The following CFTR variants were observed in gnomAD, a reference collection of about 807,000 sequenced individuals.
CFTR encodes cystic fibrosis transmembrane conductance regulator.
In CFTR, 181 loss-of-function variants were observed where a neutral mutation model predicts 171.6. That is an observed-to-expected ratio of 1.05 (90% CI 0.93 to 1.19). The LOEUF is 1.19. Ranked by LOEUF, CFTR falls within the 50% of genes most tolerant of loss-of-function variation. CFTR has a pLI of 0.00. For synonymous variants in CFTR, 583 were observed against 608.0 expected, an observed-to-expected ratio of 0.96 and a Z score of 0.60; for missense variants, 1,968 against 1,734.7, an observed-to-expected ratio of 1.13 and a Z score of -2.39.
At chr7:117,587,508 A>G (rs1791955155) in intron 11 of CFTR, among the ~76,000 whole-genome samples, 1 of 152,228 alleles carries the variant, frequency 6.6e-6, no homozygotes, top group South Asian at 2.1e-4. Flanking sequence ...TTTAATGATC[A>G]TTCATGACAT....
At chr7:117,612,011 A>ATATATATATG (rs1792399492) in intron 20 of CFTR, among the ~76,000 whole-genome samples, 6 of 56,512 alleles carry the variant, frequency 1.1e-4, no homozygotes, top group South Asian at 1.1e-3. Flanking sequence ...AATCGGATAT[A>ATATATATATG]TATATATATA....
intron 22 of CFTR, among the ~76,000 whole-genome samples, chr7:117,634,281 G>A (rs1173362461): frequency 6.6e-6 from 1 of 152,006 alleles, no homozygotes; most frequent in Middle Eastern, 3.2e-3. Context: ...GTTATTCATA[G>A]TATTCTTTTA....
At chr7:117,542,636 A>G (rs1387369750) in intron 9 of CFTR, among the ~76,000 whole-genome samples, 1 of 152,210 alleles carries the variant, frequency 6.6e-6, no homozygotes, top group Non-Finnish European at 1.5e-5. Flanking sequence ...AAGTCATACA[A>G]TTTGTTTCAC....
chr7:117,539,174 G>A (rs926602609), intron 7 of CFTR, among the ~76,000 whole-genome samples: 2 of 152,076 alleles, frequency 1.3e-5, no homozygotes, highest in African/African-American at 4.8e-5. Context: ...GGATGGCTTC[G>A]GGAAGACTGG....
chr7:117,582,929 C>T (rs1225341548), intron 11 of CFTR, among the ~76,000 whole-genome samples: 1 of 152,094 alleles, frequency 6.6e-6, no homozygotes, highest in African/African-American at 2.4e-5. Context: ...TTCACATGAA[C>T]TCTTCTGATC....
At chr7:117,597,211 C>T (rs1263461658) in intron 15 of CFTR, among the ~76,000 whole-genome samples, 3 of 152,204 alleles carry the variant, frequency 2.0e-5, no homozygotes, top group Non-Finnish European at 4.4e-5. Flanking sequence ...TGCAGCTTCA[C>T]TCCTGAAGCC....
intron 9 of CFTR, among the ~76,000 whole-genome samples, chr7:117,544,832 G>A (rs1799113141): frequency 6.6e-6 from 1 of 152,102 alleles, no homozygotes; most frequent in African/African-American, 2.4e-5. Flanking sequence ...CATAGATTCT[G>A]CTATCACCAA....
At chr7:117,575,803 A>G (rs1791761363) in intron 11 of CFTR, among the ~76,000 whole-genome samples, 1 of 152,044 alleles carries the variant, frequency 6.6e-6, no homozygotes, top group Admixed American at 6.6e-5. Flanking sequence ...TAATAAATCC[A>G]TGCACATTTA....
intron 10 of CFTR, 103 bp downstream of exon 10, chr7:117,548,926 A>G (rs1799219445): frequency 4.0e-6 from 6 of 1,492,056 alleles, no homozygotes; most frequent in Non-Finnish European, 4.5e-6. Flanking sequence ...AAATTCTTAC[A>G]TGAGCATTAG....
chr7:117,520,271 T>G (rs968770507), intron 3 of CFTR, among the ~76,000 whole-genome samples: 5 of 151,156 alleles, frequency 3.3e-5, no homozygotes, highest in African/African-American at 1.2e-4. Flanking sequence ...GTGAGTTTTT[T>G]TTTTTTTTTT....
At chr7:117,562,565 G>A (rs1791528929) in intron 11 of CFTR, among the ~76,000 whole-genome samples, 1 of 152,130 alleles carries the variant, frequency 6.6e-6, no homozygotes, top group Non-Finnish European at 1.5e-5. Context: ...TCCACTTTAT[G>A]TCCCTTTCAG....
intron 1 of CFTR, among the ~76,000 whole-genome samples, chr7:117,483,540 A>G (rs1337796355): frequency 6.6e-6 from 1 of 152,136 alleles, no homozygotes; most frequent in Non-Finnish European, 1.5e-5. Flanking sequence ...AATGCATTGC[A>G]AACTTTAAAG....
At chr7:117,523,462 C>G (rs377204780) in intron 3 of CFTR, among the ~76,000 whole-genome samples, 1 of 151,794 alleles carries the variant, frequency 6.6e-6, no homozygotes, top group East Asian at 1.9e-4. Flanking sequence ...CTGCAAGCTC[C>G]GCCTCCTGGG....
At chr7:117,546,131 T>G (rs1487556570) in intron 9 of CFTR, among the ~76,000 whole-genome samples, 2 of 152,008 alleles carry the variant, frequency 1.3e-5, no homozygotes, top group Non-Finnish European at 2.9e-5. Flanking sequence ...GTAGCTGGGA[T>G]TACAGGTGCC....
Position 117,652,543 on chromosome 7 carries a change from A to G in CFTR, c.3874-299A>G, listed in dbSNP as rs192153048. ...TATAATAAGGAATATTGCTAGGAAT[A>G]AAATTTTTTAATATTCTACAATTAA... On this transcript the variant is annotated intron_variant, in intron 23 of 26. Transcript: ENST00000003084. Among the ~76,000 whole-genome samples the G allele has an allele frequency of 3.2e-4, 49 of 152,256 alleles. 1 individual carries two copies. The highest frequency in any genetic ancestry group is 2.7e-3 in the Admixed American group (42 of 15,280).
chr7:117,495,845 T>A (rs746150620), intron 1 of CFTR, among the ~76,000 whole-genome samples: 26 of 152,344 alleles, frequency 1.7e-4, no homozygotes, highest in Non-Finnish European at 3.4e-4. Context: ...GATTTCTGTA[T>A]ACTGTTGTTC....
In CFTR at chr7:117,493,310, G is replaced by A. The variant is rs190931922; in HGVS notation, c.54-10943G>A. ...GTATGTTTTGCTATTGGAAAAAATA[G>A]CAACTTAAGTGTTTTGCAGACCTTT... On this transcript the variant is annotated intron_variant, in intron 1 of 26. Transcript: ENST00000003084. Among the ~76,000 whole-genome samples the A allele has an allele frequency of 2.1e-3, 326 of 152,084 alleles. 1 individual carries two copies. The highest frequency in any genetic ancestry group is 3.5e-3 in the Non-Finnish European group (239 of 67,944).
chr7:117,553,512 A>G (rs1799304464), intron 10 of CFTR, among the ~76,000 whole-genome samples: 1 of 152,154 alleles, frequency 6.6e-6, no homozygotes, highest in Non-Finnish European at 1.5e-5. Context: ...ACCAATTCGT[A>G]CTCATGCCAT....
chr7:117,542,963 T>G (rs1799082493), intron 9 of CFTR, among the ~76,000 whole-genome samples: 1 of 152,334 alleles, frequency 6.6e-6, no homozygotes, highest in African/African-American at 2.4e-5. Context: ...GCGAGAGAGA[T>G]ATACCAGTGT....
Sources: gnomAD v4.1 joint callset for allele counts (sites outside exome capture counted in the v4.1 genomes callset) on GRCh38, gnomAD v4.1.1 for gene constraint, MANE v1.5 for transcripts, NCBI Gene and HGNC (gene_info 2026-07-23, HGNC 2026-07-21) for gene names.